FBXL5: variants seen among roughly 807,000 people sequenced by gnomAD.
FBXL5 encodes the protein F-box and leucine rich repeat protein 5, also known as F-box/LRR-repeat protein 5.
Under a neutral mutation model 78.3 loss-of-function variants are expected in FBXL5, and 26 were observed. The ratio of observed to expected loss-of-function variants is 0.33; its 90% CI spans 0.24 to 0.46. FBXL5 has a LOEUF of 0.46. Ranked by LOEUF, FBXL5 falls within the 20% of genes least tolerant of loss-of-function variation. The pLI, the probability that FBXL5 is intolerant of heterozygous loss-of-function variation, is 1.00. For synonymous variants in FBXL5, 295 were observed against 282.5 expected (o/e 1.04, Z -0.45); for missense variants, 710 against 829.2 (o/e 0.86, Z 1.77).
intron 5 of FBXL5, among the ~76,000 whole-genome samples, chr4:15,631,830 G>C (rs1451407420): frequency 1.3e-5 from 2 of 152,020 alleles, no homozygotes. Context: ...TTTGTCAGAT[G>C]GGTAGGTGGC....
upstream of FBXL5, among the ~76,000 whole-genome samples, chr4:15,661,843 G>A (rs1717326398): frequency 6.6e-6 from 1 of 152,204 alleles, no homozygotes; most frequent in African/African-American, 2.4e-5. Flanking sequence ...GCGATCATCC[G>A]ATGACATAAC....
chr4:15,635,296 GA>G (rs1714137066), intron 5 of FBXL5, among the ~76,000 whole-genome samples: 1 of 149,258 alleles, frequency 6.7e-6, no homozygotes, highest in African/African-American at 2.5e-5. Flanking sequence ...TCGTGCCACT[GA>G]GCTACAGCCT....
chr4:15,631,673 G>A (rs1210346555), intron 5 of FBXL5, among the ~76,000 whole-genome samples: 2 of 152,238 alleles, frequency 1.3e-5, no homozygotes, highest in Non-Finnish European at 2.9e-5. Context: ...GACCAGTGAT[G>A]ATGAGCATTT....
At chr4:15,643,853 T>G (rs56149419) in intron 2 of FBXL5, among the ~76,000 whole-genome samples, 13,901 of 152,298 alleles carry the variant, frequency 0.091, 773 homozygotes, top group Non-Finnish European at 0.12. Context: ...TGTAAAAATT[T>G]TATAATTAAA....
intron 1 of FBXL5, among the ~76,000 whole-genome samples, chr4:15,664,893 C>T (rs1305098758): frequency 2.0e-5 from 3 of 151,946 alleles, no homozygotes; most frequent in African/African-American, 7.3e-5. Flanking sequence ...TTCTGCAGTC[C>T]CCAACAGCCT....
intron 1 of FBXL5, among the ~76,000 whole-genome samples, chr4:15,679,961 C>T (rs61064380): frequency 1.3e-5 from 2 of 152,272 alleles, no homozygotes; most frequent in African/African-American, 2.4e-5. Flanking sequence ...AGAGTTGTTT[C>T]TAATATCTGA....
At position 15,625,931 on chromosome 4, in the gene FBXL5, A is replaced by T; in HGVS notation, c.1171T>A (p.Ser391Thr). Residue 391 changes from serine (S) to threonine (T), a missense_variant, in exon 9 of 11, where the codon TCT (serine) becomes ACT (threonine). Physicochemically the swap from Ser to Thr is moderately conservative, Grantham distance 58. This residue lies in a region of FBXL5 where 517 missense variants were observed against 542.9 expected (regional missense o/e 0.95). Coordinates refer to ENST00000341285, the MANE Select transcript of FBXL5 (RefSeq NM_012161.4). ...CCQSLRHLDL[S>T]GCEKITDVAL... ...ACATCTGTGATTTTCTCACAACCAG[A>T]CAGATCAAGATGCCGAAGACTCTGG... is the stretch of plus-strand genomic sequence containing the variant. 6.2e-7 allele frequency: 1 copy of T among 1,609,076 alleles called. No homozygotes were observed. The highest frequency in any genetic ancestry group is 1.1e-5 in the South Asian group (1 of 90,018).
At chr4:15,630,903 C>T in intron 5 of FBXL5, 112 bp from the exon 6 acceptor site, 2 of 1,357,624 alleles carry the variant, frequency 1.5e-6, no homozygotes, top group Admixed American at 5.1e-5. Flanking sequence ...ACATCTGAGC[C>T]CTAGGCAATA....
intron 1 of FBXL5, among the ~76,000 whole-genome samples, chr4:15,671,662 A>T (rs929322307): frequency 2.0e-5 from 3 of 152,120 alleles, no homozygotes; most frequent in African/African-American, 7.2e-5. Context: ...TTAAGCTATC[A>T]TTTCTTCAAA....
Position 15,644,711 on chromosome 4 carries a change from G to A in FBXL5, c.85-3C>T, listed in dbSNP as rs1288515113. The A allele has an allele frequency of 6.3e-7, 1 of 1,588,196 alleles. No homozygotes were observed. The highest frequency in any genetic ancestry group is 1.7e-5 in the Admixed American group (1 of 57,290). ...TTGGAAAAATTGGTTTTAGAAAGCT[G>A]AATAAAAATTTAAAAAGAAAAGTGT... On this transcript the variant is annotated splice_region_variant and splice_polypyrimidine_tract_variant and intron_variant, in intron 1 of 10. Coordinates refer to ENST00000341285, the MANE Select transcript of FBXL5 (RefSeq NM_012161.4).
At chr4:15,680,877 T>C (rs1718220067) in intron 1 of FBXL5, among the ~76,000 whole-genome samples, 2 of 150,146 alleles carry the variant, frequency 1.3e-5, no homozygotes, top group East Asian at 3.9e-4. Context: ...ATGACATATA[T>C]ATGTCAACCC....
chr4:15,662,200 C>A (rs1717343660), upstream of FBXL5, among the ~76,000 whole-genome samples: 1 of 152,170 alleles, frequency 6.6e-6, no homozygotes, highest in Non-Finnish European at 1.5e-5. Flanking sequence ...TGAGGGCCAT[C>A]TTTGAAGCTG....
intron 2 of FBXL5, chr4:15,641,564 C>G: frequency 4.4e-6 from 2 of 455,066 alleles, no homozygotes; most frequent in Non-Finnish European, 8.9e-6. Flanking sequence ...ACATATAATA[C>G]ATGAAATAAT....
At chr4:15,658,054 A>G (rs1473321066), upstream of FBXL5, among the ~76,000 whole-genome samples, 1 of 152,232 alleles carries the variant, frequency 6.6e-6, no homozygotes, top group African/African-American at 2.4e-5. Flanking sequence ...CAACCTAAAA[A>G]TATAACTTAT....
rs533132083 is a variant in FBXL5, at chr4:15,636,464, T to A, written c.766+30A>T. On this transcript the variant is annotated intron_variant, in intron 5 of 10. Transcript: ENST00000341285. ...ATGAATATTCATCTAGAAAAATACA[T>A]GAAAATATTTTAAAAACCCATTTAC... The A allele has an allele frequency of 4.0e-5, 59 of 1,458,462 alleles. No homozygotes were observed. The South Asian group carries it at 5.2e-4, about 13-fold the overall frequency. The allele number at this position is 1,458,462 out of a possible 1,614,324, so 90.3% of individuals were successfully genotyped here.
intron 1 of FBXL5, among the ~76,000 whole-genome samples, chr4:15,667,106 A>C (rs1467552179): frequency 6.6e-6 from 1 of 152,222 alleles, no homozygotes; most frequent in Non-Finnish European, 1.5e-5. Context: ...CTATTAAATA[A>C]TCTTGAAAAT....
At chr4:15,649,071 C>CA (rs1223483236) in intron 1 of FBXL5, among the ~76,000 whole-genome samples, 1 of 150,892 alleles carries the variant, frequency 6.6e-6, no homozygotes, top group Non-Finnish European at 1.5e-5. Context: ...GTGGAGAATA[C>CA]AAAATATTTT....
upstream of FBXL5, among the ~76,000 whole-genome samples, chr4:15,664,714 C>T (rs184750970): frequency 8.6e-5 from 13 of 151,928 alleles, no homozygotes; most frequent in African/African-American, 2.7e-4. Context: ...CCTGATACCA[C>T]GCCCGGCTAA....
In FBXL5 at chr4:15,627,766, A is replaced by C; in HGVS notation, c.1041+119T>G. 3 of 820,134 alleles carry C rather than the reference A, an allele frequency of 3.7e-6. No homozygotes were observed. In the South Asian group the frequency reaches 5.3e-5, roughly 15 times the overall value. The allele number at this position is 820,134 out of a possible 1,614,324, so 50.8% of individuals were successfully genotyped here. On this transcript the variant is annotated intron_variant, in intron 7 of 10. Coordinates refer to ENST00000341285, the MANE Select transcript of FBXL5 (RefSeq NM_012161.4). ...CTAGCAGTGTATGCCTACCCATAGG[A>C]AGGCACTCAATAATCATTTTTGGGT...
Sources: gnomAD v4.1 joint callset for allele counts (sites outside exome capture counted in the v4.1 genomes callset) on GRCh38, gnomAD v4.1.1 for gene constraint, gnomAD v4.1.1 regional missense constraint, MANE v1.5 for transcripts, NCBI Gene and HGNC (gene_info 2026-07-23, HGNC 2026-07-21) for gene names.